ADAP1: variants seen among roughly 807,000 people sequenced by gnomAD.
The protein encoded by ADAP1 is arf-GAP with dual PH domain-containing protein 1.
Under a neutral mutation model 54.9 loss-of-function variants are expected in ADAP1, and 31 were observed. That is an observed-to-expected ratio of 0.56 (90% CI 0.42 to 0.76). The LOEUF (loss-of-function observed/expected upper bound fraction) is 0.76, where lower values mean the gene tolerates loss of function less well. Among genes scored for constraint, ADAP1 ranks in the 30% least tolerant of loss-of-function variants. The pLI is 0.00. For synonymous variants in ADAP1, 313 were observed against 202.6 expected (o/e 1.55, Z -4.63); for missense variants, 535 against 512.4 (o/e 1.04, Z -0.42).
chr7:898,900 G>C lies in ADAP1; in HGVS notation c.*21C>G. 6.3e-7 allele frequency: 1 copy of C among 1,589,936 alleles called. No individual in the cohort carries two copies. Among genetic ancestry groups the C allele is most frequent in the Non-Finnish European group, 8.6e-7 (1 of 1,169,320 alleles). The stretch of plus-strand genomic sequence containing the variant: ...TCCAGCCACAGTGAGTCCAATGTCC[G>C]TGGTCCTCCAGCCGCACTCGCTAAG... On this transcript the variant is annotated 3_prime_UTR_variant, in exon 11 of 11. Coordinates refer to ENST00000265846, the MANE Select transcript of ADAP1 (RefSeq NM_006869.4).
chr7:914,820 T>C (rs117538500), intron 4 of ADAP1, among the ~76,000 whole-genome samples: 3,140 of 152,130 alleles, frequency 0.021, 83 homozygotes, highest in East Asian at 0.12. Flanking sequence ...CGCCTGCTGG[T>C]CCCCAGGCAC....
chr7:898,825 G>C lies in ADAP1; in HGVS notation c.*96C>G, dbSNP rs1284989154. 85 of 1,512,346 alleles carry C rather than the reference G, an allele frequency of 5.6e-5. No individual in the cohort carries two copies. Among genetic ancestry groups the C allele is most frequent in the Non-Finnish European group, 7.6e-5 (85 of 1,121,046 alleles). The allele number at this position is 1,512,346 out of a possible 1,614,324, so 93.7% of individuals were successfully genotyped here. On this transcript the variant is annotated 3_prime_UTR_variant, in exon 11 of 11. Coordinates refer to ENST00000265846, the MANE Select transcript of ADAP1 (RefSeq NM_006869.4). ...CGGGCTGCCCTGAGGAGCAGGTGGG[G>C]CCAGGTGGCCTCAGGACGCCAGAGC...
At chr7:907,851 C>G (rs1015860159) in intron 4 of ADAP1, among the ~76,000 whole-genome samples, 2 of 152,132 alleles carry the variant, frequency 1.3e-5, no homozygotes, top group African/African-American at 2.4e-5. Flanking sequence ...ACGGGGCCGT[C>G]TGCCAAGCAT....
intron 6 of ADAP1, chr7:900,872 CG>C (rs1412637978): frequency 6.8e-5 from 12 of 177,160 alleles, no homozygotes; most frequent in South Asian, 1.5e-4. Flanking sequence ...TGAGAAGGGC[CG>C]AAGGGCCGAA....
chr7:898,485 G>C lies in ADAP1; in HGVS notation c.*436C>G, dbSNP rs937632458. ...ATAGTCGTGGAGGTGGGGGGAGGGC[G>C]GGGCGGCATGCGAGCAGGGCCCAGT... On this transcript the variant is annotated 3_prime_UTR_variant, in exon 11 of 11. Coordinates refer to ENST00000265846, the MANE Select transcript of ADAP1 (RefSeq NM_006869.4). 2 of 255,466 alleles carry C rather than the reference G, an allele frequency of 7.8e-6. No individual in the cohort carries two copies. The highest frequency in any genetic ancestry group is 9.7e-5 in the Admixed American group (2 of 20,654). The allele number at this position is 255,466 out of a possible 1,614,324, so 15.8% of individuals were successfully genotyped here. A position where few individuals can be genotyped will look rare whatever the true frequency, so the allele number is the denominator to read the frequency against.
rs1188586309 is a variant in ADAP1, at chr7:905,291, ACACG to A, written c.389-123_389-120del. ...AAGACACGGGGGACACGGACGGGGG[ACACG>A]GACAGGGGGAGACGGACGGGGAGAG... On this transcript the variant is annotated intron_variant, in intron 4 of 10. Transcript: ENST00000265846. 5.5e-5 allele frequency: 17 copies of A among 311,312 alleles called. 1 individual carries two copies. The highest frequency in any genetic ancestry group is 4.2e-4 in the African/African-American group (6 of 14,450). The allele number at this position is 311,312 out of a possible 1,614,324, so 19.3% of individuals were successfully genotyped here.
At chr7:905,003 G>T in intron 5 of ADAP1, 57 bp downstream of exon 5, 1 of 1,500,848 alleles carries the variant, frequency 6.7e-7, no homozygotes, top group Non-Finnish European at 9.2e-7. Context: ...CCCCAGTGTG[G>T]GAGGCCGGGA....
intron 1 of ADAP1, among the ~76,000 whole-genome samples, chr7:951,309 C>G (rs1030592521): frequency 1.3e-5 from 2 of 150,580 alleles, no homozygotes; most frequent in Admixed American, 6.6e-5. Context: ...GGAGGGGGAG[C>G]TTGCAGTGAG....
In ADAP1 at chr7:920,836, A is replaced by G. The variant is rs1428449660; in HGVS notation, c.306-786T>C. 1 of 1,550,196 alleles carries G rather than the reference A, an allele frequency of 6.5e-7. No homozygotes were observed. The highest frequency in any genetic ancestry group is 8.7e-7 in the Non-Finnish European group (1 of 1,146,898). The stretch of plus-strand genomic sequence containing the variant: ...ACCACGACCCACACACAGGCCCGGC[A>G]CGGCCCAGGTGCACAGGCAGCCGCC... On this transcript the variant is annotated intron_variant, in intron 3 of 10. Coordinates refer to ENST00000265846, the MANE Select transcript of ADAP1 (RefSeq NM_006869.4). This position sits in a 1 kb window ranked among gnomAD's most constrained non-coding sequence, Gnocchi z 4.5.
At position 935,568 on chromosome 7, in the gene ADAP1, G is replaced by A. The variant is rs141953309; in HGVS notation, c.83-63C>T. 2,255 of 1,537,340 alleles carry A rather than the reference G, an allele frequency of 1.5e-3. 2 individuals are homozygous for A. Among genetic ancestry groups the A allele is most frequent in the Non-Finnish European group, 1.5e-3 (1,706 of 1,138,980 alleles). On this transcript the variant is annotated intron_variant, in intron 1 of 10. Coordinates refer to ENST00000265846, the MANE Select transcript of ADAP1 (RefSeq NM_006869.4). ...CAGGGACCCCGGAGGGAGGGTGGACGGAGCCTCGAGTCAGGAGCCCCCGGC... is the reference window on the plus strand; with the variant it reads ...CAGGGACCCCGGAGGGAGGGTGGACAGAGCCTCGAGTCAGGAGCCCCCGGC...
chr7:939,830 C>CA (rs569332179), intron 1 of ADAP1, among the ~76,000 whole-genome samples: 3,479 of 102,220 alleles, frequency 0.034, 43 homozygotes, highest in Middle Eastern at 0.044. Flanking sequence ...GACTTTGTCT[C>CA]AAAAAAAAAA....
chr7:905,255 G>C (rs1263896627), intron 4 of ADAP1, 83 bp from the exon 5 acceptor site: 1 of 928,286 alleles, frequency 1.1e-6, no homozygotes, highest in East Asian at 3.1e-5. Context: ...GGACAGAGGG[G>C]ACATGGGGAG....
Position 906,520 on chromosome 7 carries a change from AGAAAGG to A in ADAP1, c.389-1354_389-1349del, listed in dbSNP as rs1562914495. Among the ~76,000 whole-genome samples the A allele has an allele frequency of 2.3e-4, 11 of 47,806 alleles. 4 individuals carry two copies. The highest frequency in any genetic ancestry group is 8.4e-4 in the Admixed American group (3 of 3,570). 31.4% of individuals were successfully genotyped at this position (47,806 alleles called of 152,430 possible). ...AGGAGAAAGGGAGAAAGGAGAAAGG[AGAAAGG>A]GAAAGGAGAAAGGAGAAGGGAGAAA... On this transcript the variant is annotated intron_variant, in intron 4 of 10. Transcript: ENST00000265846.
chr7:948,021 C>T lies in ADAP1; in HGVS notation c.82+6375G>A, dbSNP rs571490613. ...ACCCCACTCCCTCTTCCGGAGGGGCCGTCTCCCTCCTCCACTGAGGACCCA... is the reference window on the plus strand; with the variant it reads ...ACCCCACTCCCTCTTCCGGAGGGGCTGTCTCCCTCCTCCACTGAGGACCCA... On this transcript the variant is annotated intron_variant, in intron 1 of 10. Coordinates refer to ENST00000265846, the MANE Select transcript of ADAP1 (RefSeq NM_006869.4). 1.7e-3 allele frequency among the ~76,000 whole-genome samples: 265 copies of T among 152,012 alleles called. 2 individuals are homozygous for T. The highest frequency in any genetic ancestry group is 2.7e-3 in the Non-Finnish European group (185 of 67,954).
intron 4 of ADAP1, among the ~76,000 whole-genome samples, chr7:919,027 G>T (rs1211209712): frequency 2.0e-5 from 3 of 152,136 alleles, no homozygotes; most frequent in East Asian, 1.9e-4. Context: ...CCGAGGCTGG[G>T]GTGGGCTGGC....
At chr7:918,991 G>T (rs923752410) in intron 4 of ADAP1, among the ~76,000 whole-genome samples, 14 of 152,044 alleles carry the variant, frequency 9.2e-5, no homozygotes, top group African/African-American at 3.1e-4. Context: ...AGCAGCACTG[G>T]GGAGACCGAG....
intron 4 of ADAP1, among the ~76,000 whole-genome samples, chr7:906,713 ACATCGGGGAC>A (rs1845432433): frequency 0.012 from 256 of 21,636 alleles, 17 homozygotes; most frequent in African/African-American, 0.048. Flanking sequence ...GGGGGACGGG[ACATCGGGGAC>A]GGGACATGGG....
chr7:913,939 C>A (rs1049159485), intron 4 of ADAP1, among the ~76,000 whole-genome samples: 3 of 152,014 alleles, frequency 2.0e-5, no homozygotes, highest in Non-Finnish European at 4.4e-5. Context: ...AACAAACAAA[C>A]AAAAAACTCC....
At position 920,705 on chromosome 7, in the gene ADAP1, GC is replaced by G. The variant is rs1321794889; in HGVS notation, c.306-656del. On this transcript the variant is annotated intron_variant, in intron 3 of 10. Transcript: ENST00000265846. This position sits in a 1 kb window ranked among gnomAD's most constrained non-coding sequence, Gnocchi z 4.5. ...CCCGAGAGTAAAGCCCGGGACGAGG[GC>G]CCCCCACGGCACCCACTGAGCCCAG... The G allele has an allele frequency of 7.3e-6, 9 of 1,238,292 alleles. No homozygotes were observed. The African/African-American group carries it at 7.6e-5, about 10-fold the overall frequency. 76.7% of individuals were successfully genotyped at this position (1,238,292 alleles called of 1,614,324 possible).
Sources: allele counts gnomAD v4.1 joint callset (sites outside exome capture counted in the v4.1 genomes callset), GRCh38; gene constraint gnomAD v4.1.1; non-coding constraint Gnocchi (gnomAD v3.1); transcripts MANE v1.5; gene names NCBI Gene and HGNC (gene_info 2026-07-23, HGNC 2026-07-21).